The following IL1RAPL1 variants were observed in gnomAD, a reference collection of about 807,000 sequenced individuals.
IL1RAPL1 encodes the protein interleukin-1 receptor accessory protein-like 1.
In IL1RAPL1, 3 loss-of-function variants were observed where a neutral mutation model predicts 48.4. The ratio of observed to expected loss-of-function variants is 0.06; its 90% CI spans 0.03 to 0.16. IL1RAPL1 has a LOEUF of 0.16. Among genes scored for constraint, IL1RAPL1 ranks in the 10% least tolerant of loss-of-function variants. The pLI, the probability that IL1RAPL1 is intolerant of heterozygous loss-of-function variation, is 1.00. For missense variants in IL1RAPL1, 349 were observed against 530.6 expected, an observed-to-expected ratio of 0.66 and a Z score of 3.36; for synonymous variants, 185 against 187.7, an observed-to-expected ratio of 0.99 and a Z score of 0.12.
At chrX:28,626,245 T>G (rs182951500) in intron 1 of IL1RAPL1, among the ~76,000 whole-genome samples, 1 of 112,636 alleles carries the variant, frequency 8.9e-6, no homozygotes, top group Admixed American at 9.4e-5. Flanking sequence ...ACATAAATTC[T>G]GCCATTACAT....
chrX:29,559,515 G>A (rs1208065761), intron 5 of IL1RAPL1, among the ~76,000 whole-genome samples: 2 of 111,854 alleles, frequency 1.8e-5, no homozygotes, highest in Non-Finnish European at 3.8e-5. Context: ...ACTTGTTAGT[G>A]TTCTGCTCAG....
At chrX:28,628,435 T>C (rs778968650) in intron 1 of IL1RAPL1, among the ~76,000 whole-genome samples, 1 of 112,217 alleles carries the variant, frequency 8.9e-6, no homozygotes, top group African/African-American at 3.2e-5. Flanking sequence ...TCCCATGACA[T>C]AGTTGTCTCA....
chrX:29,586,626 G>T (rs1923171778), intron 5 of IL1RAPL1, among the ~76,000 whole-genome samples: 1 of 110,994 alleles, frequency 9.0e-6, no homozygotes, highest in African/African-American at 3.3e-5. Context: ...AGATTGCTTT[G>T]GGTAGTATGA....
intron 6 of IL1RAPL1, among the ~76,000 whole-genome samples, chrX:29,756,147 A>G (rs1361375878): frequency 8.9e-6 from 1 of 111,965 alleles, no homozygotes; most frequent in Non-Finnish European, 1.9e-5. Context: ...GTCAATCATT[A>G]TTATCTCCTA....
chrX:28,871,314 A>G (rs947702979), intron 2 of IL1RAPL1, among the ~76,000 whole-genome samples: 5 of 112,153 alleles, frequency 4.5e-5, no homozygotes. Context: ...TGCTAACCTC[A>G]TTCCAGTTAA....
chrX:28,773,839 G>A (rs1936334029), intron 1 of IL1RAPL1, among the ~76,000 whole-genome samples: 1 of 111,861 alleles, frequency 8.9e-6, no homozygotes, highest in African/African-American at 3.3e-5. Context: ...CTGTCTAAAA[G>A]TTATCTGTAT....
intron 2 of IL1RAPL1, among the ~76,000 whole-genome samples, chrX:29,240,205 TATATATATATATATATATA>T (rs1569267326): frequency 1.1e-4 from 5 of 45,109 alleles, no homozygotes; most frequent in African/African-American, 8.2e-4. Context: ...CATATATATA[TATATATATATATATATATA>T]TTTTTTTTTT....
intron 1 of IL1RAPL1, among the ~76,000 whole-genome samples, chrX:28,619,532 A>G (rs1427014569): frequency 9.5e-6 from 1 of 105,244 alleles, no homozygotes; most frequent in Non-Finnish European, 1.9e-5. Flanking sequence ...GCTGGAGCCC[A>G]GGAGGCAGAG....
intron 6 of IL1RAPL1, among the ~76,000 whole-genome samples, chrX:29,693,641 G>A (rs909872546): frequency 2.7e-5 from 3 of 111,866 alleles, no homozygotes; most frequent in Non-Finnish European, 5.6e-5. Context: ...AAGCTAAACT[G>A]ACATAACTCT....
intron 5 of IL1RAPL1, among the ~76,000 whole-genome samples, chrX:29,416,751 C>T (rs1404823307): frequency 1.8e-5 from 2 of 110,863 alleles, no homozygotes; most frequent in Non-Finnish European, 3.8e-5. Flanking sequence ...AAGGATAGTT[C>T]CTGGAAAAAA....
chrX:29,498,443 C>T (rs1935237035), intron 5 of IL1RAPL1, among the ~76,000 whole-genome samples: 1 of 109,482 alleles, frequency 9.1e-6, no homozygotes, highest in African/African-American at 3.4e-5. Context: ...CTTGTTTTTG[C>T]CTCTTAATCT....
intron 6 of IL1RAPL1, among the ~76,000 whole-genome samples, chrX:29,721,597 C>G (rs1400169892): frequency 8.9e-6 from 1 of 112,013 alleles, no homozygotes; most frequent in Non-Finnish European, 1.9e-5. Context: ...CCCTCCTGAA[C>G]TCCACCAGAG....
intron 5 of IL1RAPL1, among the ~76,000 whole-genome samples, chrX:29,585,656 C>A (rs968316561): frequency 8.9e-6 from 1 of 111,893 alleles, no homozygotes; most frequent in African/African-American, 3.2e-5. Context: ...TGCCAGGGTC[C>A]TAATTTCTCC....
intron 2 of IL1RAPL1, among the ~76,000 whole-genome samples, chrX:29,252,881 G>A (rs2147576825): frequency 9.0e-6 from 1 of 111,019 alleles, no homozygotes; most frequent in African/African-American, 3.3e-5. Context: ...ATAAGTAATT[G>A]TATAAACTCT....
At chrX:28,646,405 T>G (rs1934610999) in intron 1 of IL1RAPL1, among the ~76,000 whole-genome samples, 1 of 112,373 alleles carries the variant, frequency 8.9e-6, no homozygotes, top group African/African-American at 3.2e-5. Flanking sequence ...ACCCCTGTTC[T>G]AGACATATTA....
At chrX:29,264,025 T>G (rs1372742301) in intron 2 of IL1RAPL1, among the ~76,000 whole-genome samples, 1 of 111,071 alleles carries the variant, frequency 9.0e-6, no homozygotes, top group Non-Finnish European at 1.9e-5. Flanking sequence ...AAGTAATCAA[T>G]TAGCATATGG....
At chrX:28,874,644 G>T (rs1922320910) in intron 2 of IL1RAPL1, among the ~76,000 whole-genome samples, 1 of 112,061 alleles carries the variant, frequency 8.9e-6, no homozygotes, top group Non-Finnish European at 1.9e-5. Flanking sequence ...ATTTTTCAAT[G>T]AACCAGCATC....
At chrX:29,621,466 AT>A (rs1200036158) in intron 5 of IL1RAPL1, among the ~76,000 whole-genome samples, 1 of 110,623 alleles carries the variant, frequency 9.0e-6, no homozygotes, top group Non-Finnish European at 1.9e-5. Flanking sequence ...TATTTTTCTC[AT>A]TTTTTCCTCT....
intron 3 of IL1RAPL1, among the ~76,000 whole-genome samples, chrX:29,377,400 A>T (rs28845293): frequency 0.4 from 44,825 of 110,701 alleles, 7,943 homozygotes; most frequent in Middle Eastern, 0.55. Flanking sequence ...TCCTTTCATC[A>T]TGTAGTTAGC....
Sources: gnomAD v4.1 joint callset for allele counts (sites outside exome capture counted in the v4.1 genomes callset) on GRCh38, gnomAD v4.1.1 for gene constraint, MANE v1.5 for transcripts, NCBI Gene and HGNC (gene_info 2026-07-23, HGNC 2026-07-21) for gene names.